ALOX15: variants seen among roughly 807,000 people sequenced by gnomAD.
ALOX15 encodes the protein polyunsaturated fatty acid lipoxygenase ALOX15.
ALOX15 carries 68 observed loss-of-function variants against 71.7 expected under a neutral mutation model. That is an observed-to-expected ratio of 0.95 (90% CI 0.78 to 1.16). ALOX15 has a LOEUF of 1.16. Ranked by LOEUF, ALOX15 falls within the 50% of genes most tolerant of loss-of-function variation. The pLI is 0.00. For missense variants in ALOX15, 798 were observed against 818.8 expected (o/e 0.97, Z 0.31); for synonymous variants, 346 against 333.3 (o/e 1.04, Z -0.42).
At chr17:4,634,183 A>G (rs750791745) in intron 8 of ALOX15, among the ~76,000 whole-genome samples, 2 of 152,256 alleles carry the variant, frequency 1.3e-5, no homozygotes, top group Admixed American at 6.5e-5. Flanking sequence ...ACCTAAAATT[A>G]AAGTTAAAAA....
chr17:4,636,104 T>C, intron 7 of ALOX15, 136 bp from the exon 8 acceptor site: 1 of 911,950 alleles, frequency 1.1e-6, no homozygotes, highest in African/African-American at 1.7e-5. Flanking sequence ...TGCCGCTCCC[T>C]ACGGCTCCCG....
At chr17:4,633,626 C>T in intron 8 of ALOX15, 126 bp from the exon 9 acceptor site, 2 of 727,096 alleles carry the variant, frequency 2.8e-6, no homozygotes. Flanking sequence ...AGTTCAGTGG[C>T]CTCTCAACAG....
rs745702295 is a variant in ALOX15 at position 4,633,236 on chromosome 17, G to A, written c.1328C>T (p.Pro443Leu). ...CCCCCGGTCGGCCAAGTCATCAGGG[G>A]GACAGAAGGAGCTGTAGGTTAGGAA... ...GAFLTYSSFCPPDDLADRGLL... is the reference protein window; with the variant it reads ...GAFLTYSSFCLPDDLADRGLL... The change falls in exon 10 of 14, where the codon CCC (proline) becomes CTC (leucine). Residue 443 changes from proline (P) to leucine (L), a missense_variant. Around this residue, in one of 3 missense-constraint regions of ALOX15, gnomAD observed 490 missense variants for 509.4 expected, o/e 0.96. Coordinates refer to ENST00000293761, the MANE Select transcript of ALOX15 (RefSeq NM_001140.5). The A allele has an allele frequency of 1.2e-6, 2 of 1,614,058 alleles. No individual in the cohort carries two copies. Among genetic ancestry groups the A allele is most frequent in the African/African-American group, 1.3e-5 (1 of 74,902 alleles).
chr17:4,641,389 G>T, intron 1 of ALOX15, 128 bp downstream of exon 1: 1 of 1,399,578 alleles, frequency 7.1e-7, no homozygotes. Context: ...CGCGCGCTTT[G>T]AGCCCAATGC....
At chr17:4,636,391 T>G in intron 7 of ALOX15, among the ~76,000 whole-genome samples, 1 of 152,182 alleles carries the variant, frequency 6.6e-6, no homozygotes, top group East Asian at 1.9e-4. Context: ...TACCTCAACA[T>G]TGGCCAGACA....
At position 4,639,070 on chromosome 17, in the gene ALOX15, C is replaced by A. The variant is rs550406686; in HGVS notation, c.400G>T (p.Glu134Ter). The A allele has an allele frequency of 9.3e-6, 15 of 1,614,236 alleles. 1 individual carries two copies. In the Admixed American group the frequency reaches 2.0e-4, roughly 22 times the overall value. ...FQKHREEELE[E>*]RRKLYRWGNW... ...GCTCACCGGTACAACTTCCTTCTCT[C>A]TTCCAGCTCTTCTTCCCGGTGTTTC... The change falls in exon 3 of 14, where the codon GAG becomes TAG. Residue 134 changes from glutamate to a stop codon, truncating the protein, a stop_gained. Coordinates refer to ENST00000293761, the MANE Select transcript of ALOX15 (RefSeq NM_001140.5). LOFTEE classifies it high-confidence loss of function.
intron 2 of ALOX15, 25 bp from the exon 3 acceptor site, chr17:4,639,157 C>A (rs758523372): frequency 1.5e-5 from 25 of 1,613,530 alleles, no homozygotes; most frequent in Non-Finnish European, 2.1e-5. Flanking sequence ...GAGGACTTGG[C>A]CAGTGACTTT....
chr17:4,636,031 C>T, intron 7 of ALOX15, 63 bp from the exon 8 acceptor site: 1 of 1,539,436 alleles, frequency 6.5e-7, no homozygotes, highest in Non-Finnish European at 8.9e-7. Context: ...GATTCCCGCC[C>T]CCCTTGCATG....
At position 4,641,614 on chromosome 17, in the gene ALOX15, G is replaced by A; in HGVS notation, c.38C>T (p.Ser13Leu). 1 of 1,613,914 alleles carries A rather than the reference G, an allele frequency of 6.2e-7. No individual in the cohort carries two copies. Among genetic ancestry groups the A allele is most frequent in the Non-Finnish European group, 8.5e-7 (1 of 1,180,044 alleles). Reference sequence around the variant, plus strand: ...CTGGTTGTTGGAACCGGCATAGAGCGAGGCCCCAGTGGACACGCGGATGCG... The same window carrying A: ...CTGGTTGTTGGAACCGGCATAGAGCAAGGCCCCAGTGGACACGCGGATGCG... ...LYRIRVSTGA[S>L]LYAGSNNQVQ... Residue 13 changes from serine to leucine, a missense_variant, in exon 1 of 14, where the codon TCG becomes TTG. By Grantham distance (145) the Ser-to-Leu change is moderately radical (BLOSUM62 -2). Around this residue, in one of 3 missense-constraint regions of ALOX15, gnomAD observed 300 missense variants for 283.1 expected, o/e 1.06. Transcript: ENST00000293761.
intron 8 of ALOX15, among the ~76,000 whole-genome samples, chr17:4,634,516 CTT>C (rs924382474): frequency 1.4e-5 from 2 of 144,698 alleles, no homozygotes; most frequent in Non-Finnish European, 1.5e-5. Flanking sequence ...GATTTCTCAA[CTT>C]TTTTTTTTTT....
At chr17:4,635,383 G>A (rs150382214) in intron 8 of ALOX15, among the ~76,000 whole-genome samples, 352 of 149,926 alleles carry the variant, frequency 2.3e-3, no homozygotes, top group African/African-American at 8.3e-3. Flanking sequence ...GCAGTGAGCC[G>A]AGATCGCATC....
chr17:4,641,275 C>A (rs1182760455), intron 1 of ALOX15, among the ~76,000 whole-genome samples: 1 of 151,994 alleles, frequency 6.6e-6, no homozygotes, highest in East Asian at 2.0e-4. Flanking sequence ...GAGGGGCGCA[C>A]AGGAGCATGC....
chr17:4,633,080 TC>T, intron 10 of ALOX15, 65 bp downstream of exon 10: 1 of 1,608,578 alleles, frequency 6.2e-7, no homozygotes, highest in Non-Finnish European at 8.5e-7. Context: ...GACGCAGACC[TC>T]CTGCTCTCCT....
chr17:4,638,581 C>G lies in ALOX15; in HGVS notation c.646G>C (p.Glu216Gln). Residue 216 changes from glutamate (E) to glutamine (Q), a missense_variant and splice_region_variant, in exon 5 of 14, where the codon GAG becomes CAG. By Grantham distance (29) the Glu-to-Gln change is conservative (BLOSUM62 2). Transcript: ENST00000293761. Reference sequence around the variant, plus strand: ...AGACATACTGGGGTGGGGGACTGACCAGCCAGCTTGCTCTGACCACACCAG... The same window carrying G: ...AGACATACTGGGGTGGGGGACTGACGAGCCAGCTTGCTCTGACCACACCAG... ...IFWCGQSKLA[E>Q]RVRDSWKEDA... The G allele has an allele frequency of 6.2e-7, 1 of 1,613,910 alleles. No homozygotes were observed. The highest frequency in any genetic ancestry group is 8.5e-7 in the Non-Finnish European group (1 of 1,179,912).
intron 12 of ALOX15, 35 bp from the exon 13 acceptor site, chr17:4,632,091 C>A (rs1388106406): frequency 6.2e-7 from 1 of 1,608,874 alleles, no homozygotes. Context: ...TCAGTGCCTA[C>A]CAAGCACGCG....
intron 6 of ALOX15, among the ~76,000 whole-genome samples, chr17:4,637,749 A>G (rs1348764174): frequency 6.6e-6 from 1 of 152,056 alleles, no homozygotes; most frequent in Admixed American, 6.6e-5. Flanking sequence ...CCTCAATTTT[A>G]CAGAAGAGGA....
Position 4,639,420 on chromosome 17 carries a change from C to T in ALOX15, c.337+10G>A. The T allele has an allele frequency of 6.2e-7, 1 of 1,613,316 alleles. No individual in the cohort carries two copies. The highest frequency in any genetic ancestry group is 8.5e-7 in the Non-Finnish European group (1 of 1,179,892). On this transcript the variant is annotated intron_variant, in intron 2 of 13. Transcript: ENST00000293761. The stretch of plus-strand genomic sequence containing the variant: ...CAGAGGCCTCCTGACACCCTCAGCC[C>T]CGCGCTTACCGGTGCCTTCAGGCAG...
At chr17:4,640,833 G>C (rs1324824329) in intron 1 of ALOX15, among the ~76,000 whole-genome samples, 1 of 150,316 alleles carries the variant, frequency 6.7e-6, no homozygotes, top group Non-Finnish European at 1.5e-5. Flanking sequence ...AGAGAGGAAG[G>C]AGGCGCGGGT....
chr17:4,632,184 G>A lies in ALOX15; in HGVS notation c.1638C>T (p.Gly546=). Residue 546 remains glycine, a synonymous_variant, in exon 12 of 14, where the codon GGC becomes GGT. Coordinates refer to ENST00000293761, the MANE Select transcript of ALOX15 (RefSeq NM_001140.5). ...GCTGCCCATCTCTGGTAAGTACCTGGCCCAGGTGCACAGAGGCGTGTTGGC... is the reference window on the plus strand; with the variant it reads ...GCTGCCCATCTCTGGTAAGTACCTGACCCAGGTGCACAGAGGCGTGTTGGC... ...CTGQHASVHL[G]QLDWYSWVPN... 1 of 1,614,140 alleles carries A rather than the reference G, an allele frequency of 6.2e-7. No individual in the cohort carries two copies. The highest frequency in any genetic ancestry group is 8.5e-7 in the Non-Finnish European group (1 of 1,180,028).
Sources: gnomAD v4.1 joint callset for allele counts (sites outside exome capture counted in the v4.1 genomes callset) on GRCh38, gnomAD v4.1.1 for gene constraint, gnomAD v4.1.1 regional missense constraint, MANE v1.5 for transcripts, NCBI Gene and HGNC (gene_info 2026-07-23, HGNC 2026-07-21) for gene names.